CRYBG1: variants seen among roughly 807,000 people sequenced by gnomAD.
CRYBG1 encodes crystallin beta-gamma domain containing 1.
CRYBG1 carries 139 observed loss-of-function variants against 189.2 expected under a neutral mutation model. The ratio of observed to expected loss-of-function variants is 0.73; its 90% CI spans 0.64 to 0.85. The LOEUF is 0.85. Among genes scored for constraint, CRYBG1 ranks in the 40% least tolerant of loss-of-function variants. The probability of loss-of-function intolerance (pLI) is 0.00; values close to 1 mark genes in which losing one functional copy is unlikely to be tolerated. For missense variants in CRYBG1, 2,611 were observed against 2,675.8 expected (o/e 0.98, Z 0.53); for synonymous variants, 1,023 against 1,017.1 (o/e 1.01, Z -0.11).
intron 1 of CRYBG1, among the ~76,000 whole-genome samples, chr6:106,442,762 A>G (rs973898089): frequency 6.6e-6 from 1 of 152,204 alleles, no homozygotes; most frequent in Non-Finnish European, 1.5e-5. Context: ...AAAGGGACTC[A>G]TACCCAGGAG....
intron 18 of CRYBG1, among the ~76,000 whole-genome samples, 194 bp from the exon 19 acceptor site, chr6:106,560,609 A>T (rs1486059820): frequency 6.6e-6 from 1 of 152,214 alleles, no homozygotes; most frequent in African/African-American, 2.4e-5. Flanking sequence ...TGGCATAAGT[A>T]CTCATGTAAC....
chr6:106,423,523 T>C (rs940153114), intron 1 of CRYBG1, among the ~76,000 whole-genome samples: 3 of 152,076 alleles, frequency 2.0e-5, no homozygotes, highest in African/African-American at 4.8e-5. Context: ...ATGCTATTTA[T>C]GTCAGTTCAA....
intron 17 of CRYBG1, 121 bp downstream of exon 17, chr6:106,556,018 C>T: frequency 8.8e-7 from 1 of 1,133,670 alleles, no homozygotes; most frequent in Non-Finnish European, 1.3e-6. Context: ...GGAGATGGAA[C>T]TGTCCATTTG....
At chr6:106,485,066 C>G (rs1582789827) in intron 2 of CRYBG1, among the ~76,000 whole-genome samples, 1 of 152,284 alleles carries the variant, frequency 6.6e-6, no homozygotes, top group East Asian at 1.9e-4. Context: ...TGCATTAAAT[C>G]TGTAGATTGC....
At chr6:106,426,770 A>G (rs1771234626) in intron 1 of CRYBG1, among the ~76,000 whole-genome samples, 1 of 152,148 alleles carries the variant, frequency 6.6e-6, no homozygotes, top group South Asian at 2.1e-4. Flanking sequence ...ATTCTACCCA[A>G]ATTTATGAAC....
intron 2 of CRYBG1, among the ~76,000 whole-genome samples, chr6:106,506,446 CTTTTTTTT>C (rs67154803): frequency 1.0e-4 from 7 of 69,920 alleles, no homozygotes; most frequent in South Asian, 6.4e-4. Flanking sequence ...TTTCTTGTCA[CTTTTTTTT>C]TTTTTTTTTT....
chr6:106,520,005 A>G lies in CRYBG1; in HGVS notation c.2797A>G (p.Thr933Ala). Residue 933 changes from threonine (T) to alanine (A), a missense_variant, in exon 4 of 22, where the codon ACC (threonine) becomes GCC (alanine). This residue lies in a region of CRYBG1 where 1,622 missense variants were observed against 1,735.0 expected (regional missense o/e 0.93). Coordinates refer to ENST00000633556, the MANE Select transcript of CRYBG1 (RefSeq NM_001371242.2). ...ACTTTTAGAACTTGGAGGAGAAACA[A>G]CCCCTCCTTTGTCCACAGAGCGTAG... ...MPLLELGGETTPPLSTERSPE... is the reference protein window; with the variant it reads ...MPLLELGGETAPPLSTERSPE... The G allele has an allele frequency of 6.2e-7, 1 of 1,614,066 alleles. No homozygotes were observed.
chr6:106,468,314 T>A (rs1772154711), intron 2 of CRYBG1, among the ~76,000 whole-genome samples: 1 of 152,118 alleles, frequency 6.6e-6, no homozygotes, highest in Admixed American at 6.6e-5. Flanking sequence ...GGTTAACGGC[T>A]GTCAAAGGGG....
At chr6:106,504,041 A>C (rs1055058220) in intron 2 of CRYBG1, among the ~76,000 whole-genome samples, 10 of 144,458 alleles carry the variant, frequency 6.9e-5, no homozygotes, top group Non-Finnish European at 1.2e-4. Context: ...AAAAAAAAAA[A>C]AAAAAAACCA....
At chr6:106,388,191 G>A (rs373350532) in intron 1 of CRYBG1, among the ~76,000 whole-genome samples, 9 of 152,128 alleles carry the variant, frequency 5.9e-5, no homozygotes, top group Admixed American at 3.3e-4. Context: ...GGTAAATCAC[G>A]TGCACTTCTT....
At chr6:106,384,594 C>T (rs2114324978) in intron 1 of CRYBG1, among the ~76,000 whole-genome samples, 1 of 152,016 alleles carries the variant, frequency 6.6e-6, no homozygotes. Context: ...TGAAGAAAAC[C>T]CTGCTTCACA....
chr6:106,465,448 T>C (rs1772096930), intron 2 of CRYBG1, among the ~76,000 whole-genome samples: 1 of 152,182 alleles, frequency 6.6e-6, no homozygotes, highest in South Asian at 2.1e-4. Context: ...AGGCATTCCT[T>C]TGAGGTACCT....
chr6:106,476,709 A>G (rs778217954), intron 2 of CRYBG1, among the ~76,000 whole-genome samples: 82 of 152,206 alleles, frequency 5.4e-4, no homozygotes, highest in Non-Finnish European at 1.1e-3. Context: ...AATTCAATAG[A>G]TCATATTCTT....
chr6:106,554,058 G>A (rs909424639), intron 16 of CRYBG1, among the ~76,000 whole-genome samples: 3 of 152,152 alleles, frequency 2.0e-5, no homozygotes, highest in African/African-American at 7.2e-5. Flanking sequence ...GGAAACACAA[G>A]ACCCAGGGCA....
chr6:106,571,103 T>C lies in CRYBG1; in HGVS notation c.*2537T>C, dbSNP rs1389651994. On this transcript the variant is annotated 3_prime_UTR_variant, in exon 22 of 22. Transcript: ENST00000633556. ...ATGGAAAAGCCCTCAGAGAAGCATG[T>C]TTCAATTGCCGAAACAGGCCTAATC... 1 of 152,206 alleles carries C rather than the reference T, an allele frequency of 6.6e-6. No individual in the cohort carries two copies. The highest frequency in any genetic ancestry group is 1.5e-5 in the Non-Finnish European group (1 of 68,036). 9.4% of individuals were successfully genotyped at this position (152,206 alleles called of 1,614,324 possible).
intron 1 of CRYBG1, among the ~76,000 whole-genome samples, chr6:106,450,346 C>CTTTATATCCTTGG (rs1771758879): frequency 6.6e-6 from 1 of 152,110 alleles, no homozygotes; most frequent in South Asian, 2.1e-4. Flanking sequence ...CTCTATTCCT[C>CTTTATATCCTTGG]TTTATATCCT....
chr6:106,500,429 A>C (rs1772978902), intron 2 of CRYBG1, among the ~76,000 whole-genome samples: 1 of 96,946 alleles, frequency 1.0e-5, no homozygotes, highest in Non-Finnish European at 1.9e-5. Context: ...ACTAAAAAAA[A>C]AAACAAAAAA....
chr6:106,513,113 G>A (rs1193153093), intron 3 of CRYBG1, 74 bp downstream of exon 3: 3 of 1,492,086 alleles, frequency 2.0e-6, no homozygotes, highest in Non-Finnish European at 2.7e-6. Flanking sequence ...GAGGCTCGGG[G>A]TATCTGCATT....
chr6:106,400,570 C>T (rs1489304862), intron 1 of CRYBG1, among the ~76,000 whole-genome samples: 1 of 152,172 alleles, frequency 6.6e-6, no homozygotes, highest in African/African-American at 2.4e-5. Context: ...TTGGAGGAAA[C>T]TGAATGACTT....
Sources: gnomAD v4.1 joint callset for allele counts (sites outside exome capture counted in the v4.1 genomes callset) on GRCh38, gnomAD v4.1.1 for gene constraint, gnomAD v4.1.1 regional missense constraint, MANE v1.5 for transcripts, NCBI Gene and HGNC (gene_info 2026-07-23, HGNC 2026-07-21) for gene names.